Variants in USP25 observed in about 807,000 individuals in gnomAD.
USP25 encodes the protein ubiquitin carboxyl-terminal hydrolase 25.
USP25 carries 85 observed loss-of-function variants against 158.5 expected under a neutral mutation model. That is an observed-to-expected ratio of 0.54 (90% confidence interval 0.45 to 0.64). The LOEUF is 0.64. Among genes scored for constraint, USP25 ranks in the 30% least tolerant of loss-of-function variants. The pLI is 0.00. For synonymous variants in USP25, 464 were observed against 460.4 expected, an observed-to-expected ratio of 1.01 and a Z score of -0.10; for missense variants, 1,242 against 1,327.3, an observed-to-expected ratio of 0.94 and a Z score of 1.00.
At chr21:15,792,575 C>G (rs1031950535) in intron 5 of USP25, among the ~76,000 whole-genome samples, 1 of 151,352 alleles carries the variant, frequency 6.6e-6, no homozygotes, top group African/African-American at 2.4e-5. Context: ...TTGTAACTTT[C>G]CAAACCTGTG....
Position 15,730,350 on chromosome 21 carries a change from A to T in USP25, c.-44A>T, listed in dbSNP as rs2030663715. The T allele has an allele frequency of 8.7e-7, 1 of 1,154,234 alleles. No homozygotes were observed. The highest frequency in any genetic ancestry group is 4.9e-5 in the Admixed American group (1 of 20,266). The allele number at this position is 1,154,234 out of a possible 1,614,324, so 71.5% of individuals were successfully genotyped here. On this transcript the variant is annotated 5_prime_UTR_variant, in exon 1 of 26. Transcript: ENST00000400183. ...AGCCAGGGCCGGCGGAGGCGCGAGG[A>T]GCCGGGCGCCACCGCCGCCGCCGCC...
intron 3 of USP25, among the ~76,000 whole-genome samples, chr21:15,776,807 T>C (rs1435324527): frequency 6.6e-6 from 1 of 152,050 alleles, no homozygotes; most frequent in Admixed American, 6.5e-5. Flanking sequence ...GCCACTGCCC[T>C]CTAGCCTGGG....
At chr21:15,831,135 T>C (rs934861211) in intron 15 of USP25, among the ~76,000 whole-genome samples, 3 of 152,200 alleles carry the variant, frequency 2.0e-5, no homozygotes, top group African/African-American at 7.2e-5. Context: ...CCAATGAGTA[T>C]GTACACAATA....
At chr21:15,736,733 G>GT (rs535798770) in intron 1 of USP25, among the ~76,000 whole-genome samples, 120 of 151,954 alleles carry the variant, frequency 7.9e-4, no homozygotes, top group African/African-American at 2.7e-3. Flanking sequence ...ATTTTAGCAT[G>GT]TTTTTTCTTA....
intron 20 of USP25, among the ~76,000 whole-genome samples, chr21:15,851,164 G>A (rs2038869242): frequency 6.7e-6 from 1 of 150,122 alleles, no homozygotes; most frequent in Non-Finnish European, 1.5e-5. Flanking sequence ...TATTTCTTGT[G>A]GAAAAGTTAT....
At chr21:15,833,890 G>A (rs2037932649) in intron 17 of USP25, among the ~76,000 whole-genome samples, 1 of 151,874 alleles carries the variant, frequency 6.6e-6, no homozygotes, top group Non-Finnish European at 1.5e-5. Context: ...GCTATCAAGA[G>A]TATCAATTCA....
chr21:15,732,909 A>C (rs1484506126), intron 1 of USP25, among the ~76,000 whole-genome samples: 1 of 152,122 alleles, frequency 6.6e-6, no homozygotes, highest in Non-Finnish European at 1.5e-5. Context: ...TGGCCAACCC[A>C]GGGACTTATG....
At chr21:15,830,253 C>A (rs1392492153) in intron 14 of USP25, among the ~76,000 whole-genome samples, 1 of 152,084 alleles carries the variant, frequency 6.6e-6, no homozygotes, top group African/African-American at 2.4e-5. Flanking sequence ...TTGAAACTCT[C>A]CTTTATAGAT....
At chr21:15,859,004 AT>A (rs1228495643) in intron 20 of USP25, among the ~76,000 whole-genome samples, 2 of 151,504 alleles carry the variant, frequency 1.3e-5, no homozygotes, top group Non-Finnish European at 2.9e-5. Flanking sequence ...TATCTCATAT[AT>A]TTTTTGTACA....
chr21:15,799,640 T>A, intron 5 of USP25, 117 bp from the exon 6 acceptor site: 1 of 551,906 alleles, frequency 1.8e-6, no homozygotes, highest in East Asian at 3.0e-5. Flanking sequence ...CCAGTTGCAA[T>A]GATTCTGAGT....
Position 15,849,818 on chromosome 21 carries a change from A to C in USP25, c.2493A>C (p.Ile831=). The C allele has an allele frequency of 6.5e-7, 1 of 1,545,272 alleles. No homozygotes were observed. Among genetic ancestry groups the C allele is most frequent in the Non-Finnish European group, 8.7e-7 (1 of 1,144,490 alleles). The change falls in exon 20 of 26, where the codon ATA becomes ATC. Residue 831 remains isoleucine (I), a synonymous_variant. Transcript: ENST00000400183. The part of the protein sequence containing the change: ...TPNMQGIIMA[I]GKSRSVYDRC... ...ACATGCAAGGTATTATCATGGCGAT[A>C]GGTAAATCCAGGAGTGTATATGACA...
intron 4 of USP25, among the ~76,000 whole-genome samples, chr21:15,783,922 A>G (rs961983519): frequency 7.2e-5 from 11 of 152,118 alleles, no homozygotes; most frequent in African/African-American, 2.7e-4. Flanking sequence ...GTGAGCCGAG[A>G]TCGCGCCACT....
At chr21:15,809,645 C>T (rs1436329037) in intron 8 of USP25, among the ~76,000 whole-genome samples, 1 of 152,104 alleles carries the variant, frequency 6.6e-6, no homozygotes, top group Non-Finnish European at 1.5e-5. Context: ...AATTCTGCTT[C>T]TTGGTGTATA....
intron 1 of USP25, among the ~76,000 whole-genome samples, chr21:15,740,899 T>A (rs1447447410): frequency 2.6e-5 from 4 of 151,622 alleles, no homozygotes; most frequent in Non-Finnish European, 5.9e-5. Flanking sequence ...ACACTACTGC[T>A]ATCTTGACTT....
chr21:15,828,167 A>G (rs986177219), intron 14 of USP25, among the ~76,000 whole-genome samples: 3 of 152,222 alleles, frequency 2.0e-5, no homozygotes, highest in South Asian at 4.1e-4. Context: ...TAAGAAGTAC[A>G]TAAGGTATGA....
chr21:15,746,030 A>G (rs2032530732), intron 1 of USP25, among the ~76,000 whole-genome samples: 1 of 152,114 alleles, frequency 6.6e-6, no homozygotes, highest in South Asian at 2.1e-4. Context: ...GAGTGGGTTT[A>G]TTTTTGAACT....
chr21:15,807,793 A>C (rs2036465809), intron 7 of USP25, among the ~76,000 whole-genome samples: 1 of 152,140 alleles, frequency 6.6e-6, no homozygotes, highest in Non-Finnish European at 1.5e-5. Flanking sequence ...GACAAAGACC[A>C]TTATTCTAAA....
At position 15,766,355 on chromosome 21, in the gene USP25, A is replaced by G. The variant is rs949040611; in HGVS notation, c.268+214A>G. Among the ~76,000 whole-genome samples the G allele has an allele frequency of 2.6e-5, 4 of 152,078 alleles. No individual in the cohort carries two copies. The highest frequency in any genetic ancestry group is 9.7e-5 in the African/African-American group (4 of 41,450). ...TAAGTTATATAGTTTTTCATAGAGC[A>G]TTTCATATAGAATTTATTGTTTTGA... is the stretch of plus-strand genomic sequence containing the variant. On this transcript the variant is annotated intron_variant, in intron 3 of 25. Transcript: ENST00000400183. The surrounding 1 kb of genome is among the most constrained non-coding windows in gnomAD (Gnocchi z 4.0).
intron 10 of USP25, among the ~76,000 whole-genome samples, chr21:15,820,251 T>C (rs1199679130): frequency 3.9e-5 from 6 of 152,030 alleles, no homozygotes; most frequent in African/African-American, 1.2e-4. Flanking sequence ...GTTTTTATAT[T>C]ATCAGAGTAG....
Sources: allele counts gnomAD v4.1 joint callset (sites outside exome capture counted in the v4.1 genomes callset), GRCh38; gene constraint gnomAD v4.1.1; non-coding constraint Gnocchi (gnomAD v3.1); transcripts MANE v1.5; gene names NCBI Gene and HGNC (gene_info 2026-07-23, HGNC 2026-07-21).